SEC24A: variants seen among roughly 807,000 people sequenced by gnomAD.
The protein encoded by SEC24A is protein transport protein Sec24A.
A neutral mutation model predicts 129.4 loss-of-function variants in SEC24A; 93 were observed. The observed-to-expected ratio is 0.72, with a 90% CI of 0.61 to 0.85. The LOEUF (loss-of-function observed/expected upper bound fraction) is 0.85, where lower values mean the gene tolerates loss of function less well. SEC24A is among the 40% of genes least tolerant of loss of function. The pLI is 0.00. For missense variants in SEC24A, 1,264 were observed against 1,307.4 expected (o/e 0.97, Z 0.51); for synonymous variants, 460 against 467.3 (o/e 0.98, Z 0.20).
chr5:134,668,340 A>T (rs1316373746), intron 3 of SEC24A, among the ~76,000 whole-genome samples: 2 of 149,374 alleles, frequency 1.3e-5, no homozygotes, highest in Admixed American at 1.3e-4. Flanking sequence ...TTCAATCCTG[A>T]CACTTTGGGA....
At chr5:134,698,170 G>A in intron 15 of SEC24A, 113 bp downstream of exon 15, 3 of 856,776 alleles carry the variant, frequency 3.5e-6, no homozygotes, top group South Asian at 3.6e-5. Flanking sequence ...TGCCTACTCT[G>A]GAATATGCAA....
chr5:134,696,195 G>A (rs561574491), intron 13 of SEC24A, among the ~76,000 whole-genome samples: 5 of 151,774 alleles, frequency 3.3e-5, no homozygotes, highest in South Asian at 4.2e-4. Flanking sequence ...GCTAGAAACC[G>A]GGAGGCAGAG....
rs746585279 is a variant in SEC24A at position 134,698,057 on chromosome 5, G to C, written c.2266G>C (p.Gly756Arg). The C allele has an allele frequency of 3.1e-6, 5 of 1,601,406 alleles. No individual in the cohort carries two copies. The highest frequency in any genetic ancestry group is 4.2e-6 in the Non-Finnish European group (5 of 1,176,708). ...EAVMRIRCTK[G>R]LSIHTFHGNF... ...AGTCATGAGGATTCGGTGCACCAAA[G>C]GTAGGAATATTTTTTTTTTGCGTAG... The change falls in exon 15 of 23, where the codon GGT (glycine) becomes CGT (arginine). Residue 756 changes from glycine to arginine, a missense_variant and splice_region_variant. Coordinates refer to ENST00000398844, the MANE Select transcript of SEC24A (RefSeq NM_021982.3).
At chr5:134,658,075 C>T (rs1750309712) in intron 1 of SEC24A, among the ~76,000 whole-genome samples, 1 of 152,230 alleles carries the variant, frequency 6.6e-6, no homozygotes, top group Middle Eastern at 3.4e-3. Flanking sequence ...TCAAGAACAG[C>T]CTGGCCAACA....
chr5:134,667,505 G>T (rs1253499260), intron 3 of SEC24A, among the ~76,000 whole-genome samples: 1 of 151,696 alleles, frequency 6.6e-6, no homozygotes. Flanking sequence ...AAAAAAATTA[G>T]CCAGGCGTGG....
At chr5:134,718,273 A>G (rs1019243452) in intron 20 of SEC24A, 100 bp downstream of exon 20, 2 of 834,092 alleles carry the variant, frequency 2.4e-6, no homozygotes, top group Non-Finnish European at 4.1e-6. Context: ...TCCTGAACAG[A>G]TTTCATATTT....
At chr5:134,685,359 TTCTC>T in intron 9 of SEC24A, among the ~76,000 whole-genome samples, 1 of 149,486 alleles carries the variant, frequency 6.7e-6, no homozygotes, top group Non-Finnish European at 1.5e-5. Flanking sequence ...GAGCAACACC[TTCTC>T]TCTAAAAAAA....
At chr5:134,692,268 A>G (rs1751682861) in intron 11 of SEC24A, among the ~76,000 whole-genome samples, 1 of 152,046 alleles carries the variant, frequency 6.6e-6, no homozygotes, top group Non-Finnish European at 1.5e-5. Flanking sequence ...GCTGGTCTCA[A>G]ACTCCTGAGT....
chr5:134,661,741 A>C (rs554167772), intron 2 of SEC24A, among the ~76,000 whole-genome samples, 155 bp downstream of exon 2: 2 of 152,056 alleles, frequency 1.3e-5, no homozygotes. Context: ...TCGGCTTTCC[A>C]GCAAAAACCA....
intron 9 of SEC24A, among the ~76,000 whole-genome samples, chr5:134,684,018 A>G (rs148352869): frequency 1.3e-5 from 2 of 152,228 alleles, no homozygotes; most frequent in East Asian, 3.9e-4. Flanking sequence ...ATTTTAGTGT[A>G]TTTTGGCTGG....
chr5:134,661,705 A>G, intron 2 of SEC24A, 119 bp downstream of exon 2: 1 of 880,426 alleles, frequency 1.1e-6, no homozygotes, highest in Non-Finnish European at 1.7e-6. Flanking sequence ...TAAAATTATT[A>G]GTAGTTTTTT....
At chr5:134,677,115 A>T (rs1256883641) in intron 7 of SEC24A, among the ~76,000 whole-genome samples, 2 of 152,142 alleles carry the variant, frequency 1.3e-5, no homozygotes, top group Admixed American at 1.3e-4. Context: ...ATGGTGGCTC[A>T]TGGCCTGTAA....
chr5:134,661,260 AG>A lies in SEC24A; in HGVS notation c.242del (p.Gly81AspfsTer16). The A allele has an allele frequency of 6.2e-7, 1 of 1,614,146 alleles. No individual in the cohort carries two copies. Among genetic ancestry groups the A allele is most frequent in the Non-Finnish European group, 8.5e-7 (1 of 1,180,038 alleles). On this transcript the variant is annotated frameshift_variant, in exon 2 of 23. Coordinates refer to ENST00000398844, the MANE Select transcript of SEC24A (RefSeq NM_021982.3). LOFTEE classifies it high-confidence loss of function. ...VSGQSNYGGS[Q>X]GSGQTLNRPP... The stretch of plus-strand genomic sequence containing the variant: ...GGACAGTCTAACTATGGTGGTTCTC[AG>A]GGATCTGGGCAGACTCTTAATAGAC...
rs562800337 is a variant in SEC24A at position 134,658,147 on chromosome 5, A to G, written c.98-2972A>G. Among the ~76,000 whole-genome samples, 35 of 152,162 alleles carry G rather than the reference A, an allele frequency of 2.3e-4. 2 individuals are homozygous for G. The South Asian group carries it at 7.3e-3, about 32-fold the overall frequency. On this transcript the variant is annotated intron_variant, in intron 1 of 22. Transcript: ENST00000398844. ...GCCAGCGTGGTGGTGCACACCTGTAATCCTAGCTACTCGAGAGGCTGAATG... is the reference window on the plus strand; with the variant it reads ...GCCAGCGTGGTGGTGCACACCTGTAGTCCTAGCTACTCGAGAGGCTGAATG...
chr5:134,716,282 G>T (rs542290712), intron 19 of SEC24A, among the ~76,000 whole-genome samples: 2 of 151,766 alleles, frequency 1.3e-5, no homozygotes, highest in Non-Finnish European at 2.9e-5. Context: ...CCAAGATGGT[G>T]ATACCCTGCC....
At chr5:134,704,352 G>A (rs557637056) in intron 16 of SEC24A, among the ~76,000 whole-genome samples, 1 of 152,262 alleles carries the variant, frequency 6.6e-6, no homozygotes, top group Non-Finnish European at 1.5e-5. Flanking sequence ...ACAGGCATGA[G>A]CCACTGCGCC....
chr5:134,673,189 G>A (rs1210888265), intron 4 of SEC24A, among the ~76,000 whole-genome samples: 4 of 151,372 alleles, frequency 2.6e-5, no homozygotes, highest in Admixed American at 2.0e-4. Context: ...CCGAGTAGCT[G>A]GGATTACAGG....
chr5:134,649,573 G>A (rs1158121397), intron 1 of SEC24A, among the ~76,000 whole-genome samples: 1 of 152,084 alleles, frequency 6.6e-6, no homozygotes, highest in Non-Finnish European at 1.5e-5. Flanking sequence ...CCTGAAGTGG[G>A]GTGGGGGTCG....
At chr5:134,675,867 T>TTG (rs1751041473) in intron 6 of SEC24A, among the ~76,000 whole-genome samples, 156 bp from the exon 7 acceptor site, 1 of 152,258 alleles carries the variant, frequency 6.6e-6, no homozygotes, top group African/African-American at 2.4e-5. Flanking sequence ...GACTTAGATT[T>TTG]AAATATTTAA....
Sources: allele counts gnomAD v4.1 joint callset (sites outside exome capture counted in the v4.1 genomes callset), GRCh38; gene constraint gnomAD v4.1.1; transcripts MANE v1.5; gene names NCBI Gene and HGNC (gene_info 2026-07-23, HGNC 2026-07-21).